Variants in CTNNA2 observed in about 807,000 individuals in gnomAD.
CTNNA2 encodes catenin alpha 2.
In CTNNA2, 42 loss-of-function variants were observed where a neutral mutation model predicts 101.0. The observed-to-expected ratio is 0.42, with a 90% confidence interval of 0.32 to 0.54. The LOEUF (loss-of-function observed/expected upper bound fraction) is 0.54. CTNNA2 is among the 20% of genes least tolerant of loss of function. The pLI is 0.14. For missense variants in CTNNA2, 871 were observed against 1,223.1 expected, an observed-to-expected ratio of 0.71 and a Z score of 4.29; for synonymous variants, 450 against 456.4, an observed-to-expected ratio of 0.99 and a Z score of 0.18.
intron 11 of CTNNA2, among the ~76,000 whole-genome samples, chr2:80,553,467 C>A (rs1692764128): frequency 6.6e-6 from 1 of 151,984 alleles, no homozygotes; most frequent in East Asian, 1.9e-4. Context: ...TTTGGATAGT[C>A]CTATTAAAAA....
intron 7 of CTNNA2, among the ~76,000 whole-genome samples, chr2:80,220,681 T>G (rs1183472204): frequency 6.6e-6 from 1 of 152,250 alleles, no homozygotes; most frequent in Non-Finnish European, 1.5e-5. Flanking sequence ...TGTTTGCTGC[T>G]TCTGTTGGAC....
intron 11 of CTNNA2, 120 bp downstream of exon 11, chr2:80,546,183 T>G: frequency 1.6e-6 from 2 of 1,226,618 alleles, no homozygotes; most frequent in African/African-American, 3.0e-5. Context: ...ATCTTTGAGC[T>G]TTTTTGATCA....
intron 7 of CTNNA2, among the ~76,000 whole-genome samples, chr2:80,392,413 G>A (rs1440662500): frequency 6.6e-6 from 1 of 152,162 alleles, no homozygotes; most frequent in Non-Finnish European, 1.5e-5. Context: ...AAAGTTTATA[G>A]AGCTTTTCAT....
chr2:79,343,142 A>G (rs1573099759), intron 3 of CTNNA2, among the ~76,000 whole-genome samples: 1 of 152,230 alleles, frequency 6.6e-6, no homozygotes, highest in African/African-American at 2.4e-5. Flanking sequence ...GCAAATGAAG[A>G]TACAATAAAT....
At chr2:79,998,675 T>C (rs1456202653) in intron 7 of CTNNA2, among the ~76,000 whole-genome samples, 4 of 152,182 alleles carry the variant, frequency 2.6e-5, no homozygotes, top group Non-Finnish European at 5.9e-5. Flanking sequence ...TGTGGGAATT[T>C]TAATTTAATA....
chr2:79,352,773 T>G (rs1017062336), intron 3 of CTNNA2, among the ~76,000 whole-genome samples: 2 of 152,180 alleles, frequency 1.3e-5, no homozygotes, highest in African/African-American at 4.8e-5. Flanking sequence ...ATTAGTCCAT[T>G]CTCACACAGC....
At chr2:80,039,492 T>C (rs1388478148) in intron 7 of CTNNA2, among the ~76,000 whole-genome samples, 1 of 152,156 alleles carries the variant, frequency 6.6e-6, no homozygotes, top group Non-Finnish European at 1.5e-5. Flanking sequence ...TAATGCCCTC[T>C]CCTGACTTCT....
chr2:79,686,469 CATTT>C (rs1312844302), intron 2 of CTNNA2, among the ~76,000 whole-genome samples: 2 of 152,122 alleles, frequency 1.3e-5, no homozygotes, highest in Non-Finnish European at 2.9e-5. Flanking sequence ...CAAAATACTT[CATTT>C]AGTTAATGAT....
At chr2:79,675,768 A>G (rs998816008) in intron 2 of CTNNA2, among the ~76,000 whole-genome samples, 1 of 152,170 alleles carries the variant, frequency 6.6e-6, no homozygotes, top group African/African-American at 2.4e-5. Context: ...TAGTTACTGA[A>G]TAAGAATTTC....
Position 79,655,833 on chromosome 2 carries a change from A to C in CTNNA2, c.102+4175A>C, listed in dbSNP as rs998882368. Among the ~76,000 whole-genome samples, 302 of 152,024 alleles carry C rather than the reference A, an allele frequency of 2.0e-3. 2 individuals carry two copies. Among genetic ancestry groups the C allele is most frequent in the African/African-American group, 6.9e-3 (287 of 41,394 alleles). ...GACAGAGCGAGACTCCATCTCAAAA[A>C]AAAAAAAAAAATGTCTTTTTCATAT... On this transcript the variant is annotated intron_variant, in intron 2 of 18. Coordinates refer to ENST00000402739, the MANE Select transcript of CTNNA2 (RefSeq NM_001282597.3).
rs115955254 is a variant in CTNNA2, at chr2:80,623,484, C to T, written c.2574+4256C>T. Among the ~76,000 whole-genome samples, 230 of 151,822 alleles carry T rather than the reference C, an allele frequency of 1.5e-3. 3 individuals are homozygous for T. The highest frequency in any genetic ancestry group is 5.4e-3 in the African/African-American group (222 of 41,448). ...GAGGTATATAAGTATTCCAGGATAA[C>T]TGAAGCTGAAAATGTCAGAGAGGGC... On this transcript the variant is annotated intron_variant, in intron 18 of 18. Transcript: ENST00000402739.
intron 18 of CTNNA2, among the ~76,000 whole-genome samples, chr2:80,627,307 G>C (rs1362372717): frequency 6.6e-6 from 1 of 152,134 alleles, no homozygotes; most frequent in Non-Finnish European, 1.5e-5. Flanking sequence ...CTTCCACAAT[G>C]GTTGAATTAG....
intron 2 of CTNNA2, among the ~76,000 whole-genome samples, chr2:79,252,471 T>C (rs1674785296): frequency 1.3e-5 from 2 of 152,188 alleles, no homozygotes; most frequent in Non-Finnish European, 2.9e-5. Context: ...AAATTGTTGA[T>C]ATAACTAGAA....
At chr2:79,840,863 G>A (rs556059925) in intron 3 of CTNNA2, among the ~76,000 whole-genome samples, 1 of 151,626 alleles carries the variant, frequency 6.6e-6, no homozygotes. Flanking sequence ...TTCGCCTCCC[G>A]GGTTCACGCC....
intron 1 of CTNNA2, among the ~76,000 whole-genome samples, chr2:79,549,508 C>T (rs1673955137): frequency 6.6e-6 from 1 of 152,118 alleles, no homozygotes; most frequent in Non-Finnish European, 1.5e-5. Flanking sequence ...ACCCTAGTGC[C>T]AGATTATAAG....
At chr2:80,290,172 T>A (rs145295376) in intron 7 of CTNNA2, among the ~76,000 whole-genome samples, 100 of 152,312 alleles carry the variant, frequency 6.6e-4, no homozygotes, top group Non-Finnish European at 1.2e-3. Flanking sequence ...AGAAAAGTGC[T>A]GATTTATCTA....
intron 6 of CTNNA2, among the ~76,000 whole-genome samples, chr2:79,899,854 A>G (rs573628117): frequency 6.6e-6 from 1 of 152,338 alleles, no homozygotes; most frequent in Non-Finnish European, 1.5e-5. Context: ...GGTCCTTGGT[A>G]TCTTTCATTC....
intron 1 of CTNNA2, among the ~76,000 whole-genome samples, chr2:79,584,632 C>G (rs769613121): frequency 6.6e-5 from 10 of 151,074 alleles, no homozygotes; most frequent in Non-Finnish European, 1.2e-4. Context: ...TCAAGAGATT[C>G]TCCTTCCTCA....
chr2:79,852,635 A>G (rs60327016), intron 3 of CTNNA2, among the ~76,000 whole-genome samples: 2,479 of 152,354 alleles, frequency 0.016, 67 homozygotes, highest in African/African-American at 0.056. Context: ...CTCCGTCACC[A>G]GGCTGGAGTA....
Sources: gnomAD v4.1 joint callset for allele counts (sites outside exome capture counted in the v4.1 genomes callset) on GRCh38, gnomAD v4.1.1 for gene constraint, MANE v1.5 for transcripts, NCBI Gene and HGNC (gene_info 2026-07-23, HGNC 2026-07-21) for gene names.